EEF2K: variants seen among roughly 807,000 people sequenced by gnomAD.
EEF2K encodes the protein alternative protein EEF2K.
In EEF2K, 70 loss-of-function variants were observed where a neutral mutation model predicts 93.8. The ratio of observed to expected loss-of-function variants is 0.75; its 90% CI spans 0.62 to 0.91. EEF2K has a LOEUF of 0.91. Ranked by LOEUF, EEF2K falls within the 40% of genes least tolerant of loss-of-function variation. The pLI, the probability that EEF2K is intolerant of heterozygous loss-of-function variation, is 0.00. For missense variants in EEF2K, 935 were observed against 972.9 expected (o/e 0.96, Z 0.52); for synonymous variants, 376 against 380.8 (o/e 0.99, Z 0.15).
Position 22,256,882 on chromosome 16 carries a change from C to G in EEF2K, c.753C>G (p.Ile251Met). Residue 251 changes from isoleucine to methionine, a missense_variant, in exon 7 of 18, where the codon ATC becomes ATG. By Grantham distance (10) the Ile-to-Met change is conservative. Coordinates refer to ENST00000263026, the MANE Select transcript of EEF2K (RefSeq NM_013302.5). ...CTGGCTTTGTCCGCGATGACAACAT[C>G]CGCCTGACGCCGCAGGTGAGGCCGA... ...SNSGFVRDDNIRLTPQAFSHF... is the reference protein window; with the variant it reads ...SNSGFVRDDNMRLTPQAFSHF... 6.2e-7 allele frequency: 1 copy of G among 1,614,048 alleles called. No homozygotes were observed. Among genetic ancestry groups the G allele is most frequent in the Middle Eastern group, 1.7e-4 (1 of 6,008 alleles).
chr16:22,257,680 C>G lies in EEF2K; in HGVS notation c.939C>G (p.Ala313=). The G allele has an allele frequency of 6.2e-7, 1 of 1,613,998 alleles. No homozygotes were observed. The highest frequency in any genetic ancestry group is 8.5e-7 in the Non-Finnish European group (1 of 1,180,048). Residue 313 remains alanine (A), a synonymous_variant, in exon 9 of 18, where the codon GCC becomes GCG. Transcript: ENST00000263026. Reference sequence around the variant, plus strand: ...TGGCGCTCTTCTTCTACTCTCATGCCTGCAACCGGATTTGCGAGAGCATGG... The same window carrying G: ...TGGCGCTCTTCTTCTACTCTCATGCGTGCAACCGGATTTGCGAGAGCATGG... ...RGMALFFYSH[A]CNRICESMGL...
rs1192995219 is a variant in EEF2K at position 22,244,269 on chromosome 16, T to TTTTGTGTG, written c.247-360_247-359insTTGTGTGT. ...GTTATATTCTGTTTCTATATATGTATTGTGTGTGTGTGTGTGTGTGTGTGT... is the reference window on the plus strand; with the variant it reads ...GTTATATTCTGTTTCTATATATGTATTTTGTGTGTGTGTGTGTGTGTGTGTGTGTGTGT... On this transcript the variant is annotated intron_variant, in intron 2 of 17. Coordinates refer to ENST00000263026, the MANE Select transcript of EEF2K (RefSeq NM_013302.5). Among the ~76,000 whole-genome samples the TTTTGTGTG allele has an allele frequency of 3.6e-4, 51 of 140,138 alleles. 2 individuals carry two copies. Among genetic ancestry groups the TTTTGTGTG allele is most frequent in the African/African-American group, 1.3e-3 (49 of 38,162 alleles). The allele number at this position is 140,138 out of a possible 152,430, so 91.9% of individuals were successfully genotyped here. A position where few individuals can be genotyped will look rare whatever the true frequency, so the allele number is the denominator to read the frequency against.
chr16:22,238,825 C>A lies in EEF2K; in HGVS notation c.247-5805C>A, dbSNP rs1419733251. The stretch of plus-strand genomic sequence containing the variant: ...AAGATGGCAGTACCTGCTTCCATTC[C>A]CCACCTGATGGTAACATTACTGGTG... On this transcript the variant is annotated intron_variant, in intron 2 of 17. Coordinates refer to ENST00000263026, the MANE Select transcript of EEF2K (RefSeq NM_013302.5). Among the ~76,000 whole-genome samples the A allele has an allele frequency of 5.3e-5, 8 of 152,068 alleles. No individual in the cohort carries two copies. In the East Asian group the frequency reaches 1.2e-3, roughly 22 times the overall value.
At chr16:22,254,127 C>CAATAATAATAAT (rs61678774) in intron 6 of EEF2K, among the ~76,000 whole-genome samples, 1 of 150,464 alleles carries the variant, frequency 6.6e-6, no homozygotes, top group Non-Finnish European at 1.5e-5. Context: ...GTAGTAGTAA[C>CAATAATAATAAT]AATAATAATA....
rs35198909 is a variant in EEF2K at position 22,231,998 on chromosome 16, C to CAAAAAAAAAAAAAAAAA, written c.246+6029_246+6045dup. On this transcript the variant is annotated intron_variant, in intron 2 of 17. Transcript: ENST00000263026. ...AGAGCGAAACTCTGTCTTAAACAAACAAAAAAAAAAAAAAAAAAAAAAGCT... is the reference window on the plus strand; with the variant it reads ...AGAGCGAAACTCTGTCTTAAACAAACAAAAAAAAAAAAAAAAAAAAAAAAAAAAAAAAAAAAAAAGCT... Among the ~76,000 whole-genome samples the CAAAAAAAAAAAAAAAAA allele has an allele frequency of 4.5e-5, 3 of 65,988 alleles. 1 individual carries two copies. Among genetic ancestry groups the CAAAAAAAAAAAAAAAAA allele is most frequent in the Non-Finnish European group, 5.6e-5 (2 of 35,828 alleles). 43.3% of individuals were successfully genotyped at this position (65,988 alleles called of 152,430 possible).
At chr16:22,212,779 A>C (rs1157786321) in intron 1 of EEF2K, among the ~76,000 whole-genome samples, 1 of 152,092 alleles carries the variant, frequency 6.6e-6, no homozygotes, top group East Asian at 1.9e-4. Flanking sequence ...GGATCACTTG[A>C]GTCCAGGAGT....
At chr16:22,213,241 C>T (rs2046931570) in intron 1 of EEF2K, among the ~76,000 whole-genome samples, 1 of 152,208 alleles carries the variant, frequency 6.6e-6, no homozygotes, top group Non-Finnish European at 1.5e-5. Context: ...GATGTAGTTG[C>T]TGCACTCCAG....
chr16:22,258,910 T>A, intron 10 of EEF2K: 1 of 544,342 alleles, frequency 1.8e-6, no homozygotes, highest in Non-Finnish European at 3.1e-6. Flanking sequence ...AAAGTAACTT[T>A]TATCAGTGTG....
intron 3 of EEF2K, among the ~76,000 whole-genome samples, chr16:22,245,296 A>T (rs1335590117): frequency 2.0e-5 from 3 of 152,112 alleles, no homozygotes; most frequent in Admixed American, 6.6e-5. Flanking sequence ...AATTGTTGCA[A>T]ATCTCTGAAA....
intron 2 of EEF2K, among the ~76,000 whole-genome samples, chr16:22,228,655 G>A (rs2047087189): frequency 6.6e-6 from 1 of 152,204 alleles, no homozygotes; most frequent in Non-Finnish European, 1.5e-5. Context: ...GGGAAAACAA[G>A]GCAGGATACA....
intron 1 of EEF2K, among the ~76,000 whole-genome samples, chr16:22,223,445 C>T (rs1412324081): frequency 1.3e-5 from 2 of 151,830 alleles, no homozygotes; most frequent in Admixed American, 6.6e-5. Context: ...CGCCTGGCTA[C>T]CTTTTATATT....
rs1598200395 is a variant in EEF2K, at chr16:22,266,581, C to G, written c.1575+57C>G. 2.5e-6 allele frequency: 4 copies of G among 1,604,494 alleles called. No homozygotes were observed. In the South Asian group the frequency reaches 4.5e-5, roughly 18 times the overall value. ...TGCACTAACCTGGAGCCCCCCAGCT[C>G]CAGCCTCTCCTCCGCTAATCACTTC... On this transcript the variant is annotated intron_variant, in intron 14 of 17. Transcript: ENST00000263026.
chr16:22,231,746 C>A (rs2047117315), intron 2 of EEF2K, among the ~76,000 whole-genome samples: 1 of 151,896 alleles, frequency 6.6e-6, no homozygotes, highest in Admixed American at 6.6e-5. Context: ...AATCCCAGCA[C>A]TTTGGGAGGC....
chr16:22,222,851 C>G (rs1270734772), intron 1 of EEF2K, among the ~76,000 whole-genome samples: 1 of 150,872 alleles, frequency 6.6e-6, no homozygotes, highest in Non-Finnish European at 1.5e-5. Context: ...CCACTGCACT[C>G]CAGCCTGGGT....
intron 1 of EEF2K, among the ~76,000 whole-genome samples, chr16:22,210,712 C>T (rs975948146): frequency 6.6e-6 from 1 of 152,052 alleles, no homozygotes; most frequent in East Asian, 1.9e-4. Flanking sequence ...TCAGGGGAGG[C>T]TTCATGAAGG....
chr16:22,228,117 A>C (rs951525319), intron 2 of EEF2K, among the ~76,000 whole-genome samples: 3 of 150,162 alleles, frequency 2.0e-5, no homozygotes, highest in African/African-American at 7.4e-5. Flanking sequence ...AGGTTCAAGC[A>C]AGACTAAATT....
At chr16:22,243,135 G>GT (rs760916055) in intron 2 of EEF2K, among the ~76,000 whole-genome samples, 15 of 151,584 alleles carry the variant, frequency 9.9e-5, no homozygotes, top group Non-Finnish European at 4.4e-5. Flanking sequence ...AGAAATTTAT[G>GT]TTATCTATGA....
chr16:22,268,993 C>T (rs2047551756), intron 15 of EEF2K, among the ~76,000 whole-genome samples: 3 of 152,042 alleles, frequency 2.0e-5, no homozygotes. Context: ...ATCTGCCTTC[C>T]ACCTTCCCCA....
Position 22,273,669 on chromosome 16 carries a change from A to G in EEF2K, c.1808A>G (p.Lys603Arg). The G allele has an allele frequency of 6.2e-7, 1 of 1,614,184 alleles. No homozygotes were observed. The highest frequency in any genetic ancestry group is 8.5e-7 in the Non-Finnish European group (1 of 1,180,034). The stretch of plus-strand genomic sequence containing the variant: ...ACCAAAGGATTTGATTACTTACTAA[A>G]GGCCGCTGAAGCTGGCGACAGGCAG... ...NKTKGFDYLL[K>R]AAEAGDRQSM... The change falls in exon 16 of 18, where the codon AAG becomes AGG. Residue 603 changes from lysine to arginine, a missense_variant. Transcript: ENST00000263026.
Sources: gnomAD v4.1 joint callset for allele counts (sites outside exome capture counted in the v4.1 genomes callset) on GRCh38, gnomAD v4.1.1 for gene constraint, MANE v1.5 for transcripts, NCBI Gene and HGNC (gene_info 2026-07-23, HGNC 2026-07-21) for gene names.